Variants in ZNF787 observed in about 807,000 individuals in gnomAD.
The protein encoded by ZNF787 is TTF-I-interacting peptide 20.
In ZNF787, 7 loss-of-function variants were observed where a neutral mutation model predicts 16.9. The ratio of observed to expected loss-of-function variants is 0.42; its 90% confidence interval spans 0.24 to 0.78. The LOEUF is 0.78. Ranked by LOEUF, ZNF787 falls within the 30% of genes least tolerant of loss-of-function variation. The pLI, the probability that ZNF787 is intolerant of heterozygous loss-of-function variation, is 0.30. For synonymous variants in ZNF787, 345 were observed against 270.9 expected, an observed-to-expected ratio of 1.27 and a Z score of -2.69; for missense variants, 551 against 589.3, an observed-to-expected ratio of 0.94 and a Z score of 0.67.
Position 56,087,995 on chromosome 19 carries a change from T to TGGGGGG in ZNF787, c.*27_*28insCCCCCC. The TGGGGGG allele has an allele frequency of 2.7e-6, 3 of 1,106,470 alleles. No homozygotes were observed. Among genetic ancestry groups the TGGGGGG allele is most frequent in the South Asian group, 2.3e-5 (1 of 42,754 alleles). The allele number at this position is 1,106,470 out of a possible 1,614,324, so 68.5% of individuals were successfully genotyped here. A position where few individuals can be genotyped will look rare whatever the true frequency, so the allele number is the denominator to read the frequency against. ...CGCTCCCGCCAAGCCCGAGGGGCCCTGCCCGCCCCCCCCCCCGGGCCCCTC... is the reference window on the plus strand; with the variant it reads ...CGCTCCCGCCAAGCCCGAGGGGCCCTGGGGGGGCCCGCCCCCCCCCCCGGGCCCCTC... On this transcript the variant is annotated 3_prime_UTR_variant, in exon 3 of 3. Coordinates refer to ENST00000610935, the MANE Select transcript of ZNF787 (RefSeq NM_001002836.4).
chr19:56,118,404 C>T (rs2030198033), intron 1 of ZNF787, among the ~76,000 whole-genome samples: 2 of 152,208 alleles, frequency 1.3e-5, no homozygotes, highest in Admixed American at 6.5e-5. Flanking sequence ...ACCTAGAGGA[C>T]TTCGGAACAG....
chr19:56,098,390 A>G (rs1408448539), intron 2 of ZNF787, among the ~76,000 whole-genome samples: 2 of 152,206 alleles, frequency 1.3e-5, no homozygotes, highest in Admixed American at 6.5e-5. Context: ...GAGAGGCCCA[A>G]AGACAGGCAA....
chr19:56,108,580 TCCTCCCGGC>T (rs2123420676), intron 1 of ZNF787, among the ~76,000 whole-genome samples: 1 of 152,002 alleles, frequency 6.6e-6, no homozygotes, highest in Non-Finnish European at 1.5e-5. Context: ...AGCTGGCCTG[TCCTCCCGGC>T]ACCCTGTCAT....
chr19:56,094,483 T>TC (rs1985793288), intron 2 of ZNF787, among the ~76,000 whole-genome samples: 1 of 151,982 alleles, frequency 6.6e-6, no homozygotes, highest in Non-Finnish European at 1.5e-5. Context: ...CTTTTTTTTT[T>TC]TTCTCATTTT....
In ZNF787 at chr19:56,088,488, C is replaced by A; in HGVS notation, c.684G>T (p.Ala228=). ...CGGGGATGGCGATCTCGCCGTCCGC[C>A]GCCACCGCCTCTTCGGGCCCCTTGG... ...RRAKGPEEAV[A]ADGEIAIPVG... Residue 228 remains alanine, a synonymous_variant, in exon 3 of 3, where the codon GCG becomes GCT. Coordinates refer to ENST00000610935, the MANE Select transcript of ZNF787 (RefSeq NM_001002836.4). This position sits in a 1 kb window ranked among gnomAD's most constrained non-coding sequence, Gnocchi z 8.6. The A allele has an allele frequency of 7.4e-7, 1 of 1,355,730 alleles. No individual in the cohort carries two copies. Among genetic ancestry groups the A allele is most frequent in the Non-Finnish European group, 9.5e-7 (1 of 1,056,408 alleles). 84.0% of individuals were successfully genotyped at this position (1,355,730 alleles called of 1,614,324 possible). A position where few individuals can be genotyped will look rare whatever the true frequency, so the allele number is the denominator to read the frequency against.
chr19:56,120,265 T>A (rs1210787798), intron 1 of ZNF787, among the ~76,000 whole-genome samples: 1 of 151,990 alleles, frequency 6.6e-6, no homozygotes, highest in African/African-American at 2.4e-5. Context: ...GTCACTTTTC[T>A]GTGCGACTCT....
chr19:56,100,256 G>A (rs1320835882), intron 2 of ZNF787, among the ~76,000 whole-genome samples: 1 of 152,066 alleles, frequency 6.6e-6, no homozygotes, highest in Non-Finnish European at 1.5e-5. Flanking sequence ...TCCAACACAG[G>A]ACATAGACAC....
chr19:56,115,463 A>G (rs2030106767), intron 1 of ZNF787, among the ~76,000 whole-genome samples: 1 of 141,292 alleles, frequency 7.1e-6, no homozygotes, highest in Admixed American at 7.8e-5. Context: ...GGTTCACGCC[A>G]TTCTCCTGCC....
chr19:56,093,799 G>A (rs1440537628), intron 2 of ZNF787, among the ~76,000 whole-genome samples: 3 of 152,302 alleles, frequency 2.0e-5, no homozygotes, highest in South Asian at 2.1e-4. Flanking sequence ...TTTCTGCCAC[G>A]AAGGATCGGT....
At chr19:56,109,747 G>A (rs2029924468) in intron 1 of ZNF787, among the ~76,000 whole-genome samples, 1 of 152,172 alleles carries the variant, frequency 6.6e-6, no homozygotes, top group Non-Finnish European at 1.5e-5. Context: ...AGCCGGGAGT[G>A]GTGGCGGGCG....
At chr19:56,097,922 G>A (rs779122725) in intron 2 of ZNF787, among the ~76,000 whole-genome samples, 1 of 152,064 alleles carries the variant, frequency 6.6e-6, no homozygotes, top group Non-Finnish European at 1.5e-5. Flanking sequence ...TTGGAATTTC[G>A]GGAGGCTTGG....
rs1985340024 is a variant in ZNF787 at position 56,087,775 on chromosome 19, C to G, written c.*248G>C. On this transcript the variant is annotated 3_prime_UTR_variant, in exon 3 of 3. Transcript: ENST00000610935. ...TTCTCTCCATTGTCTCTCCGGCTCGCAGGCCGATAACTTAGGAAGGGCGGG... is the reference window on the plus strand; with the variant it reads ...TTCTCTCCATTGTCTCTCCGGCTCGGAGGCCGATAACTTAGGAAGGGCGGG... The G allele has an allele frequency of 2.0e-6, 1 of 511,678 alleles. No homozygotes were observed. The highest frequency in any genetic ancestry group is 8.6e-5 in the South Asian group (1 of 11,628). The allele number at this position is 511,678 out of a possible 1,614,324, so 31.7% of individuals were successfully genotyped here.
chr19:56,087,996 GCCCGCCCCCCCCCC>G lies in ZNF787; in HGVS notation c.*13_*26del. The G allele has an allele frequency of 8.6e-7, 1 of 1,157,758 alleles. No homozygotes were observed. Among genetic ancestry groups the G allele is most frequent in the Non-Finnish European group, 1.1e-6 (1 of 946,658 alleles). 71.7% of individuals were successfully genotyped at this position (1,157,758 alleles called of 1,614,324 possible). ...GCTCCCGCCAAGCCCGAGGGGCCCT[GCCCGCCCCCCCCCC>G]CGGGCCCCTCCCCTACCGGCCCTCC... On this transcript the variant is annotated 3_prime_UTR_variant, in exon 3 of 3. Transcript: ENST00000610935.
chr19:56,098,652 ATG>A (rs1985968580), intron 2 of ZNF787, among the ~76,000 whole-genome samples: 3 of 23,728 alleles, frequency 1.3e-4, no homozygotes, highest in South Asian at 2.0e-3. Context: ...CCGCAGGGTG[ATG>A]CCACCAGGGT....
At chr19:56,112,735 G>A (rs1489377044) in intron 1 of ZNF787, among the ~76,000 whole-genome samples, 1 of 151,696 alleles carries the variant, frequency 6.6e-6, no homozygotes, top group Non-Finnish European at 1.5e-5. Flanking sequence ...CAACCACTGG[G>A]CTAACACCCT....
In ZNF787 at chr19:56,087,519, A is replaced by G. The variant is rs1019131311; in HGVS notation, c.*504T>C. On this transcript the variant is annotated 3_prime_UTR_variant, in exon 3 of 3. Coordinates refer to ENST00000610935, the MANE Select transcript of ZNF787 (RefSeq NM_001002836.4). ...CTCGAGCTCTAAGGATGGGACCCGG[A>G]AGGCAGAAAAAAATAATGGATTGGG... 6.6e-6 allele frequency: 1 copy of G among 152,260 alleles called. No individual in the cohort carries two copies. Among genetic ancestry groups the G allele is most frequent in the Admixed American group, 6.5e-5 (1 of 15,282 alleles). 9.4% of individuals were successfully genotyped at this position (152,260 alleles called of 1,614,324 possible). A position where few individuals can be genotyped will look rare whatever the true frequency, so the allele number is the denominator to read the frequency against.
At chr19:56,111,730 G>C (rs2029985953) in intron 1 of ZNF787, among the ~76,000 whole-genome samples, 1 of 152,088 alleles carries the variant, frequency 6.6e-6, no homozygotes, top group Non-Finnish European at 1.5e-5. Context: ...GAAGAGGGAG[G>C]GGCCGACACC....
At chr19:56,097,131 T>C (rs374391487) in intron 2 of ZNF787, among the ~76,000 whole-genome samples, 89 of 152,174 alleles carry the variant, frequency 5.8e-4, no homozygotes, top group African/African-American at 2.0e-3. Context: ...CAGGCAGGTG[T>C]CTCGGCCCTT....
At chr19:56,090,659 T>C (rs1985539339) in intron 2 of ZNF787, among the ~76,000 whole-genome samples, 1 of 152,114 alleles carries the variant, frequency 6.6e-6, no homozygotes, top group Non-Finnish European at 1.5e-5. Context: ...CCATCTCTAC[T>C]AAAAACACAA....
Sources: allele counts gnomAD v4.1 joint callset (sites outside exome capture counted in the v4.1 genomes callset), GRCh38; gene constraint gnomAD v4.1.1; non-coding constraint Gnocchi (gnomAD v3.1); transcripts MANE v1.5; gene names NCBI Gene and HGNC (gene_info 2026-07-23, HGNC 2026-07-21).